PKD2L1: variants seen among roughly 807,000 people sequenced by gnomAD.
PKD2L1 encodes polycystin-2-like protein 1.
A neutral mutation model predicts 93.0 loss-of-function variants in PKD2L1; 77 were observed. The observed-to-expected ratio is 0.83, with a 90% CI of 0.69 to 1.00. The LOEUF is 1.00. Ranked by LOEUF, PKD2L1 falls within the 50% of genes least tolerant of loss-of-function variation. The pLI, the probability that PKD2L1 is intolerant of heterozygous loss-of-function variation, is 0.00. For missense variants in PKD2L1, 977 were observed against 990.9 expected, an observed-to-expected ratio of 0.99 and a Z score of 0.19; for synonymous variants, 390 against 388.0, an observed-to-expected ratio of 1.01 and a Z score of -0.06.
Position 100,296,296 on chromosome 10 carries a change from T to C in PKD2L1, c.1186-4A>G, listed in dbSNP as rs1257779916. 6.3e-7 allele frequency: 1 copy of C among 1,587,306 alleles called. No individual in the cohort carries two copies. Among genetic ancestry groups the C allele is most frequent in the African/African-American group, 1.4e-5 (1 of 73,104 alleles). ...AGCCCACAGCCACAATGGAGAGCTG[T>C]CACACAGGGGTCATGGGGGTGTCAG... is the stretch of plus-strand genomic sequence containing the variant. On this transcript the variant is annotated splice_region_variant and splice_polypyrimidine_tract_variant and intron_variant, in intron 6 of 15. Transcript: ENST00000318222.
rs1334158033 is a variant in PKD2L1, at chr10:100,297,074, A to T, written c.1091T>A (p.Phe364Tyr). Residue 364 changes from phenylalanine (F) to tyrosine (Y), a missense_variant, in exon 6 of 16, where the codon TTC (phenylalanine) becomes TAC (tyrosine). Transcript: ENST00000318222. ...GCEVIFCVFIFYYVVEEILEL... is the reference protein window; with the variant it reads ...GCEVIFCVFIYYYVVEEILEL... ...CAGGATCTCTTCCACCACATAGTAG[A>T]AGATGAAGACGCAGAAGATGACCTC... The T allele has an allele frequency of 6.2e-7, 1 of 1,614,154 alleles. No individual in the cohort carries two copies. Among genetic ancestry groups the T allele is most frequent in the Admixed American group, 1.7e-5 (1 of 60,020 alleles).
intron 9 of PKD2L1, among the ~76,000 whole-genome samples, chr10:100,294,037 C>T (rs935213205): frequency 5.3e-5 from 8 of 152,174 alleles, no homozygotes; most frequent in African/African-American, 7.2e-5. Context: ...AGTTTGAGCT[C>T]GGGAGGTGGA....
At chr10:100,316,195 G>A (rs911263121) in intron 2 of PKD2L1, among the ~76,000 whole-genome samples, 2 of 152,046 alleles carry the variant, frequency 1.3e-5, no homozygotes, top group South Asian at 2.1e-4. Flanking sequence ...TTTTTGAGAC[G>A]GAGTCTTGCT....
chr10:100,303,595 G>A (rs1322427610), intron 2 of PKD2L1, among the ~76,000 whole-genome samples: 1 of 152,190 alleles, frequency 6.6e-6, no homozygotes, highest in Non-Finnish European at 1.5e-5. Context: ...TCATCTGGAA[G>A]GCGAATGATC....
chr10:100,311,404 G>A (rs975213518), intron 2 of PKD2L1, among the ~76,000 whole-genome samples: 24 of 152,082 alleles, frequency 1.6e-4, no homozygotes, highest in Non-Finnish European at 1.3e-4. Flanking sequence ...CATAGGTGGG[G>A]CATAAATGTA....
rs770795831 is a variant in PKD2L1, at chr10:100,293,052, T to C, written c.1776A>G (p.Leu592=). 5.0e-6 allele frequency: 8 copies of C among 1,614,010 alleles called. No individual in the cohort carries two copies. In the Admixed American group the frequency reaches 1.3e-4, roughly 27 times the overall value. ...DLLKQGYNKT[L]LRLRLRKERV... is the part of the protein sequence containing the mutation. ...TCTCCTTCCTCAGACGCAGTCTTAG[T>C]AGGGTCTTGTTGTAGCCCTGAAAGG... is the stretch of plus-strand genomic sequence containing the variant. Residue 592 remains leucine (L), a synonymous_variant, in exon 11 of 16, where the codon CTA becomes CTG. Coordinates refer to ENST00000318222, the MANE Select transcript of PKD2L1 (RefSeq NM_016112.3).
At position 100,318,089 on chromosome 10, in the gene PKD2L1, A is replaced by C. The variant is rs548076241; in HGVS notation, c.349+11122T>G. 1.1e-3 allele frequency among the ~76,000 whole-genome samples: 174 copies of C among 152,186 alleles called. 3 individuals carry two copies. The South Asian group carries it at 0.034, about 30-fold the overall frequency. On this transcript the variant is annotated intron_variant, in intron 2 of 15. Coordinates refer to ENST00000318222, the MANE Select transcript of PKD2L1 (RefSeq NM_016112.3). ...AGCAAGACTCTGTCTCAAACAAAAA[A>C]AAAAAAGAGAGAAGAAAAGATTGCC... is the stretch of plus-strand genomic sequence containing the variant.
In PKD2L1 at chr10:100,329,189, C is replaced by A; in HGVS notation, c.349+22G>T. On this transcript the variant is annotated intron_variant, in intron 2 of 15. Coordinates refer to ENST00000318222, the MANE Select transcript of PKD2L1 (RefSeq NM_016112.3). ...TAGATGTTTCTCACAGACAGATGTA[C>A]ACAAACACAGATGCTACTCACGTAG... is the stretch of plus-strand genomic sequence containing the variant. The A allele has an allele frequency of 1.9e-6, 3 of 1,611,958 alleles. No homozygotes were observed. In the South Asian group the frequency reaches 3.3e-5, roughly 18 times the overall value.
At chr10:100,305,506 T>C (rs1394217212) in intron 2 of PKD2L1, among the ~76,000 whole-genome samples, 2 of 152,166 alleles carry the variant, frequency 1.3e-5, no homozygotes, top group African/African-American at 2.4e-5. Flanking sequence ...CAACTTATAT[T>C]TAGTAAATGT....
At position 100,297,575 on chromosome 10, in the gene PKD2L1, C is replaced by T. The variant is rs551643379; in HGVS notation, c.763G>A (p.Gly255Ser). The change falls in exon 5 of 16, where the codon GGC becomes AGC. Residue 255 changes from glycine to serine, a missense_variant. Gly to Ser is a moderately conservative substitution (Grantham distance 56). Transcript: ENST00000318222. ...WTYHSQDELGGFSHWGRLTSY... is the reference protein window; with the variant it reads ...WTYHSQDELGSFSHWGRLTSY... The stretch of plus-strand genomic sequence containing the variant: ...GTGAGCCTGCCCCAGTGGGAGAAGC[C>T]CCCCAACTCATCCTGCGAGTGGTAT... 8.2e-5 allele frequency: 133 copies of T among 1,613,950 alleles called. 1 individual carries two copies. In the South Asian group the frequency reaches 1.4e-3, roughly 17 times the overall value.
At chr10:100,311,274 G>GT (rs550157604) in intron 2 of PKD2L1, among the ~76,000 whole-genome samples, 17 of 152,046 alleles carry the variant, frequency 1.1e-4, no homozygotes, top group Non-Finnish European at 2.5e-4. Context: ...TCTGGTACAC[G>GT]TTTTTTTCCT....
In PKD2L1 at chr10:100,322,330, C is replaced by A. The variant is rs371844800; in HGVS notation, c.349+6881G>T. Among the ~76,000 whole-genome samples, 109 of 152,264 alleles carry A rather than the reference C, an allele frequency of 7.2e-4. 4 individuals are homozygous for A. The East Asian group carries it at 0.015, about 21-fold the overall frequency. Reference sequence around the variant, plus strand: ...TCACTTGAGGTCAGGAGTTCCAGACCAGCCTGGGCAACACGGTGAAACCCC... The same window carrying A: ...TCACTTGAGGTCAGGAGTTCCAGACAAGCCTGGGCAACACGGTGAAACCCC... On this transcript the variant is annotated intron_variant, in intron 2 of 15. Transcript: ENST00000318222.
chr10:100,307,392 T>A (rs1453593469), intron 2 of PKD2L1, among the ~76,000 whole-genome samples: 1 of 152,158 alleles, frequency 6.6e-6, no homozygotes, highest in Non-Finnish European at 1.5e-5. Flanking sequence ...GGTGGCCAAG[T>A]CCAGTGGGTC....
chr10:100,302,537 A>G (rs1848705778), intron 2 of PKD2L1, among the ~76,000 whole-genome samples: 1 of 151,942 alleles, frequency 6.6e-6, no homozygotes, highest in Admixed American at 6.6e-5. Flanking sequence ...TCTCTACAAA[A>G]AAAAAAAATT....
At chr10:100,327,847 G>T (rs1433430081) in intron 2 of PKD2L1, among the ~76,000 whole-genome samples, 1 of 152,178 alleles carries the variant, frequency 6.6e-6, no homozygotes, top group Non-Finnish European at 1.5e-5. Context: ...TGTCCCCTCT[G>T]TCCAGCATGG....
rs1340271322 is a variant in PKD2L1 at position 100,289,069 on chromosome 10, G to C, written c.2251-13C>G. ...TAGCTTGTTCCTTCTGTTGGAAGAAGAAAGGGACAAATCATTTGAAGAAAT... is the reference window on the plus strand; with the variant it reads ...TAGCTTGTTCCTTCTGTTGGAAGAACAAAGGGACAAATCATTTGAAGAAAT... On this transcript the variant is annotated splice_polypyrimidine_tract_variant and intron_variant, in intron 14 of 15. Coordinates refer to ENST00000318222, the MANE Select transcript of PKD2L1 (RefSeq NM_016112.3). 2.1e-5 allele frequency: 34 copies of C among 1,588,490 alleles called. No homozygotes were observed. The highest frequency in any genetic ancestry group is 2.8e-5 in the Non-Finnish European group (33 of 1,160,208).
chr10:100,322,191 G>A (rs1333508684), intron 2 of PKD2L1, among the ~76,000 whole-genome samples: 1 of 152,120 alleles, frequency 6.6e-6, no homozygotes, highest in African/African-American at 2.4e-5. Context: ...CCGCATAACA[G>A]CCTGAGCAAC....
intron 6 of PKD2L1, among the ~76,000 whole-genome samples, chr10:100,296,737 TAA>T (rs149108649): frequency 1.4e-5 from 2 of 139,122 alleles, no homozygotes; most frequent in African/African-American, 2.7e-5. Flanking sequence ...TATAGTACAC[TAA>T]AAAAAAAAAA....
At chr10:100,314,825 A>G (rs1285911957) in intron 2 of PKD2L1, among the ~76,000 whole-genome samples, 1 of 151,852 alleles carries the variant, frequency 6.6e-6, no homozygotes, top group Non-Finnish European at 1.5e-5. Flanking sequence ...ACCCAAGGTC[A>G]GGAGTTCAAG....
Sources: allele counts gnomAD v4.1 joint callset (sites outside exome capture counted in the v4.1 genomes callset), GRCh38; gene constraint gnomAD v4.1.1; transcripts MANE v1.5; gene names NCBI Gene and HGNC (gene_info 2026-07-23, HGNC 2026-07-21).